ACAP2: variants seen among roughly 807,000 people sequenced by gnomAD.
ACAP2 encodes the protein arf-GAP with coiled-coil, ANK repeat and PH domain-containing protein 2.
Under a neutral mutation model 115.8 loss-of-function variants are expected in ACAP2, and 39 were observed. That is an observed-to-expected ratio of 0.34 (90% CI 0.26 to 0.44). ACAP2 has a LOEUF of 0.44. Among genes scored for constraint, ACAP2 ranks in the 20% least tolerant of loss-of-function variants. The pLI, the probability that ACAP2 is intolerant of heterozygous loss-of-function variation, is 1.00. For missense variants in ACAP2, 662 were observed against 927.6 expected (o/e 0.71, Z 3.72); for synonymous variants, 289 against 315.8 (o/e 0.92, Z 0.90).
intron 5 of ACAP2, among the ~76,000 whole-genome samples, chr3:195,343,667 C>T (rs895218106): frequency 6.6e-6 from 1 of 152,212 alleles, no homozygotes; most frequent in African/African-American, 2.4e-5. Flanking sequence ...AGAATCGTTA[C>T]ATCAGCAATG....
At chr3:195,362,838 C>T (rs556460680) in intron 4 of ACAP2, among the ~76,000 whole-genome samples, 1 of 152,186 alleles carries the variant, frequency 6.6e-6, no homozygotes, top group Admixed American at 6.5e-5. Flanking sequence ...ACAACAGATC[C>T]AGAGCTTGTA....
chr3:195,385,670 G>C (rs1012625782), intron 2 of ACAP2, among the ~76,000 whole-genome samples: 1 of 152,108 alleles, frequency 6.6e-6, no homozygotes, highest in African/African-American at 2.4e-5. Context: ...CTGAGGTCTT[G>C]AAGAGCCACT....
chr3:195,312,774 A>G lies in ACAP2; in HGVS notation c.858-3937T>C, dbSNP rs915234121. 5.3e-5 allele frequency among the ~76,000 whole-genome samples: 8 copies of G among 152,270 alleles called. No homozygotes were observed. In the South Asian group the frequency reaches 1.7e-3, roughly 31 times the overall value. ...TTGAGGAGATGTGCAACTAAAAGGTATAATTCCATTTCTCAAATAAAATAG... is the reference window on the plus strand; with the variant it reads ...TTGAGGAGATGTGCAACTAAAAGGTGTAATTCCATTTCTCAAATAAAATAG... On this transcript the variant is annotated intron_variant, in intron 10 of 22. Coordinates refer to ENST00000326793, the MANE Select transcript of ACAP2 (RefSeq NM_012287.6).
At chr3:195,385,104 A>G (rs915832098) in intron 2 of ACAP2, among the ~76,000 whole-genome samples, 1 of 152,056 alleles carries the variant, frequency 6.6e-6, no homozygotes, top group Non-Finnish European at 1.5e-5. Context: ...CTAAAAAAAA[A>G]GACTAAGGGA....
At chr3:195,375,226 T>C (rs1233863701) in intron 4 of ACAP2, among the ~76,000 whole-genome samples, 1 of 151,976 alleles carries the variant, frequency 6.6e-6, no homozygotes, top group Non-Finnish European at 1.5e-5. Context: ...ATAAAATATC[T>C]GGACATGTTA....
At chr3:195,305,915 A>G (rs1301626750) in intron 13 of ACAP2, among the ~76,000 whole-genome samples, 1 of 152,018 alleles carries the variant, frequency 6.6e-6, no homozygotes, top group African/African-American at 2.4e-5. Context: ...CAATTTAGAG[A>G]GCAGTCGATC....
At chr3:195,369,504 G>T (rs913230557) in intron 4 of ACAP2, among the ~76,000 whole-genome samples, 2 of 152,178 alleles carry the variant, frequency 1.3e-5, no homozygotes, top group Non-Finnish European at 2.9e-5. Flanking sequence ...TCACCTACAA[G>T]TGAGAACATG....
chr3:195,438,706 A>C (rs1342148787), intron 1 of ACAP2, among the ~76,000 whole-genome samples: 1 of 152,144 alleles, frequency 6.6e-6, no homozygotes, highest in Non-Finnish European at 1.5e-5. Flanking sequence ...TCTGTCTCTC[A>C]AACATAATTC....
At chr3:195,440,091 A>T (rs1480786527) in intron 1 of ACAP2, among the ~76,000 whole-genome samples, 1 of 152,200 alleles carries the variant, frequency 6.6e-6, no homozygotes, top group Non-Finnish European at 1.5e-5. Flanking sequence ...AAGTATACTT[A>T]GGCACTTTAC....
Position 195,333,055 on chromosome 3 carries a change from T to C in ACAP2, c.642A>G (p.Gly214=). The change falls in exon 8 of 23, where the codon GGA becomes GGG. Residue 214 remains glycine (G), a synonymous_variant. Transcript: ENST00000326793. ...HQGYDLFSEL[G]PYMKDLGAQL... Reference sequence around the variant, plus strand: ...GTGCACCAAGATCCTTCATGTAGGGTCCAAGTTCACTAAACAGATCATATC... The same window carrying C: ...GTGCACCAAGATCCTTCATGTAGGGCCCAAGTTCACTAAACAGATCATATC... 1 of 1,610,446 alleles carries C rather than the reference T, an allele frequency of 6.2e-7. No homozygotes were observed. Among genetic ancestry groups the C allele is most frequent in the South Asian group, 1.1e-5 (1 of 90,566 alleles).
chr3:195,373,868 A>G (rs535152090), intron 4 of ACAP2, among the ~76,000 whole-genome samples: 1 of 152,176 alleles, frequency 6.6e-6, no homozygotes, highest in East Asian at 1.9e-4. Flanking sequence ...GAGGTTGCAG[A>G]GAACCGAGAT....
chr3:195,376,119 T>G (rs987123035), intron 4 of ACAP2, among the ~76,000 whole-genome samples: 20 of 151,750 alleles, frequency 1.3e-4, no homozygotes, highest in African/African-American at 4.6e-4. Flanking sequence ...TAAGGCCAAG[T>G]GCAGTGGCTC....
At chr3:195,308,624 A>T (rs1301851505) in intron 11 of ACAP2, among the ~76,000 whole-genome samples, 162 bp downstream of exon 11, 1 of 152,208 alleles carries the variant, frequency 6.6e-6, no homozygotes, top group Admixed American at 6.5e-5. Context: ...TTAAATGTTG[A>T]TATTTTCCAC....
At position 195,285,867 on chromosome 3, in the gene ACAP2, A is replaced by G. The variant is rs1246208542; in HGVS notation, c.2175-10T>C. 6.9e-6 allele frequency: 11 copies of G among 1,599,420 alleles called. 1 individual carries two copies. The highest frequency in any genetic ancestry group is 9.4e-6 in the Non-Finnish European group (11 of 1,170,436). ...TCTTGCTAAACGTAACCTAAAAATA[A>G]ATAAAATAGTGTTTTAGATGACATT... is the stretch of plus-strand genomic sequence containing the variant. On this transcript the variant is annotated splice_polypyrimidine_tract_variant and intron_variant, in intron 21 of 22. Coordinates refer to ENST00000326793, the MANE Select transcript of ACAP2 (RefSeq NM_012287.6).
chr3:195,289,673 G>A (rs1384620283), intron 20 of ACAP2, among the ~76,000 whole-genome samples: 1 of 151,690 alleles, frequency 6.6e-6, no homozygotes, highest in African/African-American at 2.4e-5. Context: ...GGGTGTGGTG[G>A]CGGACGCCTG....
intron 13 of ACAP2, among the ~76,000 whole-genome samples, chr3:195,305,766 A>G (rs764317635): frequency 9.2e-5 from 14 of 151,934 alleles, no homozygotes; most frequent in Non-Finnish European, 2.1e-4. Flanking sequence ...CTACTGATCA[A>G]ATTCCTACTT....
In ACAP2 at chr3:195,302,159, A is replaced by G. The variant is rs1167246020; in HGVS notation, c.1132T>C (p.Ser378Pro). 6.2e-7 allele frequency: 1 copy of G among 1,612,394 alleles called. No individual in the cohort carries two copies. Among genetic ancestry groups the G allele is most frequent in the African/African-American group, 1.3e-5 (1 of 74,842 alleles). Residue 378 changes from serine to proline, a missense_variant, in exon 14 of 23, where the codon TCA (serine) becomes CCA (proline). Ser to Pro is a moderately conservative substitution (Grantham distance 74). Transcript: ENST00000326793. ...TCTAGGCTTCCTGTGGATGGAGATG[A>G]TTTCTTATCCAGCTTCTAAAAGAAT... is the stretch of plus-strand genomic sequence containing the variant. ...GDESEKLDKKSSPSTGSLDSG... is the reference protein window; with the variant it reads ...GDESEKLDKKPSPSTGSLDSG...
At chr3:195,400,997 A>G (rs886701562) in intron 1 of ACAP2, among the ~76,000 whole-genome samples, 2 of 152,344 alleles carry the variant, frequency 1.3e-5, no homozygotes, top group South Asian at 4.1e-4. Flanking sequence ...CAAGAGTTTC[A>G]GACCAGTCCC....
At position 195,392,250 on chromosome 3, in the gene ACAP2, A is replaced by C. The variant is rs1275353334; in HGVS notation, c.54-103T>G. 4.9e-5 allele frequency: 43 copies of C among 877,148 alleles called. No individual in the cohort carries two copies. The East Asian group carries it at 1.0e-3, about 21-fold the overall frequency. 54.3% of individuals were successfully genotyped at this position (877,148 alleles called of 1,614,324 possible). A position where few individuals can be genotyped will look rare whatever the true frequency, so the allele number is the denominator to read the frequency against. The stretch of plus-strand genomic sequence containing the variant: ...AAAAGATAGATATGAATGCTTAAAA[A>C]TTACACTTCACATGAAGTAATAATT... On this transcript the variant is annotated intron_variant, in intron 1 of 22. Transcript: ENST00000326793.
Sources: gnomAD v4.1 joint callset for allele counts (sites outside exome capture counted in the v4.1 genomes callset) on GRCh38, gnomAD v4.1.1 for gene constraint, MANE v1.5 for transcripts, NCBI Gene and HGNC (gene_info 2026-07-23, HGNC 2026-07-21) for gene names.